WWOX: variants seen among roughly 807,000 people sequenced by gnomAD.
WWOX encodes WW domain-containing oxidoreductase.
A neutral mutation model predicts 46.2 loss-of-function variants in WWOX; 69 were observed. That is an observed-to-expected ratio of 1.49 (90% confidence interval 1.23 to 1.82). The LOEUF (loss-of-function observed/expected upper bound fraction) is 1.82, where lower values mean the gene tolerates loss of function less well. Among genes scored for constraint, WWOX ranks in the 40% most tolerant of loss-of-function variants. The pLI is 0.00. For missense variants in WWOX, 919 were observed against 542.6 expected (o/e 1.69, Z -6.89); for synonymous variants, 359 against 202.6 (o/e 1.77, Z -6.56).
intron 8 of WWOX, among the ~76,000 whole-genome samples, chr16:78,701,812 C>G (rs898371567): frequency 2.0e-5 from 3 of 151,562 alleles, no homozygotes; most frequent in African/African-American, 2.4e-5. Context: ...GGGGACACAT[C>G]TTGAGTTTCT....
chr16:79,021,799 CA>C (rs2047538962), intron 8 of WWOX, among the ~76,000 whole-genome samples: 1 of 152,170 alleles, frequency 6.6e-6, no homozygotes, highest in African/African-American at 2.4e-5. Context: ...CACAGACCCT[CA>C]GATTAAGGAG....
At chr16:78,415,164 C>A (rs111303565) in intron 6 of WWOX, among the ~76,000 whole-genome samples, 1 of 150,874 alleles carries the variant, frequency 6.6e-6, no homozygotes, top group African/African-American at 2.4e-5. Flanking sequence ...TGAGTTTTCA[C>A]GGAAAGGGGT....
intron 8 of WWOX, among the ~76,000 whole-genome samples, chr16:78,869,008 A>T (rs1160383800): frequency 6.6e-6 from 1 of 152,190 alleles, no homozygotes. Context: ...AAAGTCACAA[A>T]GGCCAAAGTT....
At chr16:78,503,380 G>A (rs369028735) in intron 8 of WWOX, among the ~76,000 whole-genome samples, 5 of 151,912 alleles carry the variant, frequency 3.3e-5, no homozygotes, top group African/African-American at 1.2e-4. Flanking sequence ...TAATACATAT[G>A]CTGAAATTCC....
chr16:78,774,547 C>G (rs1387311506), intron 8 of WWOX, among the ~76,000 whole-genome samples: 1 of 151,346 alleles, frequency 6.6e-6, no homozygotes, highest in Non-Finnish European at 1.5e-5. Flanking sequence ...TGCGCACACG[C>G]ATGAGCCTGT....
At chr16:79,210,096 G>A (rs1597484747) in intron 8 of WWOX, among the ~76,000 whole-genome samples, 1 of 152,166 alleles carries the variant, frequency 6.6e-6, no homozygotes, top group African/African-American at 2.4e-5. Context: ...CAAGCAGCCA[G>A]TTATTATCAA....
intron 8 of WWOX, among the ~76,000 whole-genome samples, chr16:78,884,452 A>G (rs1180568707): frequency 2.0e-5 from 3 of 152,172 alleles, no homozygotes; most frequent in African/African-American, 7.2e-5. Flanking sequence ...GATATCTATC[A>G]GTGGTGGAAT....
intron 4 of WWOX, among the ~76,000 whole-genome samples, chr16:78,158,695 C>T (rs923806620): frequency 6.6e-6 from 1 of 151,908 alleles, no homozygotes; most frequent in Admixed American, 6.6e-5. Flanking sequence ...ATCTGTAGTC[C>T]TTTTCTTTAT....
At chr16:78,767,320 G>C (rs1281341249) in intron 8 of WWOX, among the ~76,000 whole-genome samples, 3 of 151,754 alleles carry the variant, frequency 2.0e-5, no homozygotes, top group East Asian at 3.9e-4. Flanking sequence ...ATTTTTAGTA[G>C]AGACAGATTT....
At chr16:79,126,557 A>G (rs114053364) in intron 8 of WWOX, among the ~76,000 whole-genome samples, 1,775 of 152,160 alleles carry the variant, frequency 0.012, 39 homozygotes, top group African/African-American at 0.041. Context: ...GTCTTCTGCC[A>G]TGGTGGTAAG....
chr16:78,387,048 C>G, intron 6 of WWOX, 100 bp downstream of exon 6: 2 of 1,257,766 alleles, frequency 1.6e-6, no homozygotes, highest in East Asian at 2.3e-5. Context: ...GTTGTGTTGT[C>G]TTGGCGTCCA....
chr16:78,418,972 A>G (rs147689779), intron 6 of WWOX, among the ~76,000 whole-genome samples: 15 of 152,286 alleles, frequency 9.8e-5, no homozygotes, highest in African/African-American at 2.6e-4. Context: ...AAGCAAAAGA[A>G]TGGAAAAAAA....
chr16:78,428,312 AC>A (rs770580796), intron 7 of WWOX, among the ~76,000 whole-genome samples: 3 of 152,204 alleles, frequency 2.0e-5, no homozygotes, highest in Non-Finnish European at 4.4e-5. Flanking sequence ...TGAGAGGTGA[AC>A]ATAGTCGTTT....
intron 4 of WWOX, among the ~76,000 whole-genome samples, chr16:78,142,201 A>G (rs1597258535): frequency 6.6e-6 from 1 of 152,166 alleles, no homozygotes. Flanking sequence ...AACATGGTCA[A>G]TATTTATGGA....
chr16:78,217,056 C>A (rs74590286), intron 5 of WWOX, among the ~76,000 whole-genome samples: 3 of 152,176 alleles, frequency 2.0e-5, no homozygotes, highest in South Asian at 2.1e-4. Flanking sequence ...TAATTAACAA[C>A]CTTAATTTCA....
rs2083255559 is a variant in WWOX, at chr16:78,432,736, C to G, written c.1040C>G (p.Pro347Arg). 1.9e-6 allele frequency: 3 copies of G among 1,614,190 alleles called. No individual in the cohort carries two copies. Among genetic ancestry groups the G allele is most frequent in the Non-Finnish European group, 2.5e-6 (3 of 1,180,046 alleles). The part of the protein sequence containing the change: ...VYTLLFTLAR[P>R]FTKSMQQGAA... ...ACACTGCTGTTTACCTTGGCGAGGC[C>G]TTTCACCAAGTCCATGGTAAGAGAA... The change falls in exon 8 of 9, where the codon CCT becomes CGT. Residue 347 changes from proline (P) to arginine (R), a missense_variant. Transcript: ENST00000566780.
intron 8 of WWOX, among the ~76,000 whole-genome samples, chr16:79,131,617 C>T (rs537882848): frequency 6.6e-6 from 1 of 152,126 alleles, no homozygotes; most frequent in African/African-American, 2.4e-5. Flanking sequence ...TAAAGTCACA[C>T]TGGAAGGATA....
intron 5 of WWOX, among the ~76,000 whole-genome samples, chr16:78,229,537 A>C (rs1205576984): frequency 6.9e-6 from 1 of 144,854 alleles, no homozygotes; most frequent in African/African-American, 2.6e-5. Flanking sequence ...TATATAAAAT[A>C]ATGAATGAAA....
intron 8 of WWOX, among the ~76,000 whole-genome samples, chr16:79,042,971 C>G (rs1425741353): frequency 6.6e-6 from 1 of 152,020 alleles, no homozygotes; most frequent in East Asian, 1.9e-4. Context: ...TCCTTCTTGA[C>G]TGTCTGCTAA....
Sources: gnomAD v4.1 joint callset for allele counts (sites outside exome capture counted in the v4.1 genomes callset) on GRCh38, gnomAD v4.1.1 for gene constraint, MANE v1.5 for transcripts, NCBI Gene and HGNC (gene_info 2026-07-23, HGNC 2026-07-21) for gene names.